The following SLC38A11 variants were observed in gnomAD, a reference collection of about 807,000 sequenced individuals.
The protein encoded by SLC38A11 is solute carrier family 38 member 11.
SLC38A11 carries 51 observed loss-of-function variants against 49.4 expected under a neutral mutation model. The observed-to-expected ratio is 1.03, with a 90% CI of 0.83 to 1.30. The LOEUF is 1.30. Ranked by LOEUF, SLC38A11 falls within the 50% of genes most tolerant of loss-of-function variation. The probability of loss-of-function intolerance (pLI) is 0.00; values close to 1 mark genes in which losing one functional copy is unlikely to be tolerated. For synonymous variants in SLC38A11, 203 were observed against 192.9 expected (o/e 1.05, Z -0.43); for missense variants, 574 against 556.2 (o/e 1.03, Z -0.32).
intron 11 of SLC38A11, among the ~76,000 whole-genome samples, chr2:164,907,270 CTTTT>C (rs60527900): frequency 5.1e-5 from 5 of 97,914 alleles, no homozygotes; most frequent in African/African-American, 7.7e-5. Flanking sequence ...CTTCTTTTCT[CTTTT>C]TTTTTTTTTT....
At position 164,947,351 on chromosome 2, in the gene SLC38A11, C is replaced by T. The variant is rs1022013749; in HGVS notation, c.230-1624G>A. Among the ~76,000 whole-genome samples the T allele has an allele frequency of 3.9e-5, 6 of 151,954 alleles. No individual in the cohort carries two copies. In the East Asian group the frequency reaches 9.7e-4, roughly 25 times the overall value. On this transcript the variant is annotated intron_variant, in intron 3 of 11. Coordinates refer to ENST00000685975, the MANE Select transcript of SLC38A11 (RefSeq NM_001351537.2). ...TTTGCCACGTTGGCCAAGATGGTCT[C>T]GAACTCCTGACCTCAAGTGATCCAC...
intron 10 of SLC38A11, 108 bp downstream of exon 10, chr2:164,911,528 T>G: frequency 2.1e-6 from 1 of 466,412 alleles, no homozygotes; most frequent in East Asian, 3.5e-5. Flanking sequence ...ATTATACCAT[T>G]TGTCATGCCC....
chr2:164,921,924 T>C (rs1474946236), intron 7 of SLC38A11, among the ~76,000 whole-genome samples: 2 of 152,216 alleles, frequency 1.3e-5, no homozygotes, highest in Admixed American at 1.3e-4. Context: ...CTTCATTATA[T>C]ATTTTTAATA....
intron 10 of SLC38A11, among the ~76,000 whole-genome samples, chr2:164,910,182 A>C (rs972588374): frequency 3.9e-5 from 6 of 152,082 alleles, no homozygotes; most frequent in African/African-American, 1.4e-4. Flanking sequence ...AGTATTTGCT[A>C]TTGTGGCAGA....
At chr2:164,900,979 G>A (rs1472278918) in intron 11 of SLC38A11, among the ~76,000 whole-genome samples, 1 of 151,994 alleles carries the variant, frequency 6.6e-6, no homozygotes, top group African/African-American at 2.4e-5. Flanking sequence ...TGATTTTTGT[G>A]TATGGTGTAA....
intron 7 of SLC38A11, among the ~76,000 whole-genome samples, chr2:164,932,171 A>G (rs949220335): frequency 6.6e-6 from 1 of 152,152 alleles, no homozygotes; most frequent in Admixed American, 6.6e-5. Context: ...CTCAGCATCA[A>G]TGATCATTAA....
chr2:164,914,260 A>G (rs1685607260), intron 9 of SLC38A11, among the ~76,000 whole-genome samples: 1 of 151,738 alleles, frequency 6.6e-6, no homozygotes, highest in Admixed American at 6.6e-5. Flanking sequence ...AGAGCTGTGA[A>G]ATATGTAAAT....
intron 7 of SLC38A11, among the ~76,000 whole-genome samples, chr2:164,927,941 C>A (rs993973616): frequency 4.6e-5 from 7 of 152,100 alleles, no homozygotes; most frequent in Non-Finnish European, 8.8e-5. Context: ...ATCAGTTAGA[C>A]ATTTAATAAA....
In SLC38A11 at chr2:164,905,614, C is replaced by T. The variant is rs1325344959; in HGVS notation, c.1095+3026G>A. Among the ~76,000 whole-genome samples the T allele has an allele frequency of 4.6e-5, 7 of 152,200 alleles. No homozygotes were observed. In the East Asian group the frequency reaches 7.7e-4, roughly 17 times the overall value. The stretch of plus-strand genomic sequence containing the variant: ...ATACGTTCTTACGCACACCAAAAGA[C>T]GTACTGATGTGAAAAACACTTATTC... On this transcript the variant is annotated intron_variant, in intron 11 of 11. Coordinates refer to ENST00000685975, the MANE Select transcript of SLC38A11 (RefSeq NM_001351537.2).
At chr2:164,911,890 T>A (rs887303374) in intron 9 of SLC38A11, 142 bp from the exon 10 acceptor site, 1 of 502,954 alleles carries the variant, frequency 2.0e-6, no homozygotes, top group African/African-American at 2.0e-5. Flanking sequence ...TTTTACTATA[T>A]ATTTTTCTAT....
At chr2:164,916,362 T>C (rs548105587) in intron 7 of SLC38A11, among the ~76,000 whole-genome samples, 2 of 152,254 alleles carry the variant, frequency 1.3e-5, no homozygotes, top group South Asian at 4.2e-4. Flanking sequence ...CATTCCGCTC[T>C]TATTTTTTTC....
At chr2:164,955,131 T>A in intron 1 of SLC38A11, 78 bp downstream of exon 1, 4 of 1,358,744 alleles carry the variant, frequency 2.9e-6, no homozygotes, top group Non-Finnish European at 4.1e-6. Flanking sequence ...CAGGTGAAGG[T>A]AGGTGACCTG....
intron 10 of SLC38A11, among the ~76,000 whole-genome samples, chr2:164,911,153 G>A (rs1228397153): frequency 6.6e-6 from 1 of 151,912 alleles, no homozygotes; most frequent in African/African-American, 2.4e-5. Context: ...TGGAATATAA[G>A]ATATTTTAGT....
chr2:164,955,462 C>T lies in SLC38A11; in HGVS notation c.-215G>A, dbSNP rs1012992581. On this transcript the variant is annotated 5_prime_UTR_variant, in exon 1 of 12. Coordinates refer to ENST00000685975, the MANE Select transcript of SLC38A11 (RefSeq NM_001351537.2). ...GCTGTGGCAGCCTGGGGCGCTTTTC[C>T]ACCGGAGTTCGCCCAGACAAATGTA... The T allele has an allele frequency of 1.1e-5, 6 of 556,546 alleles. No homozygotes were observed. The highest frequency in any genetic ancestry group is 3.3e-5 in the Admixed American group (1 of 30,356). The allele number at this position is 556,546 out of a possible 1,614,324, so 34.5% of individuals were successfully genotyped here. A position where few individuals can be genotyped will look rare whatever the true frequency, so the allele number is the denominator to read the frequency against.
chr2:164,946,098 A>C (rs561854185), intron 3 of SLC38A11, among the ~76,000 whole-genome samples: 58 of 152,224 alleles, frequency 3.8e-4, no homozygotes, highest in Non-Finnish European at 7.8e-4. Flanking sequence ...GTAGGTAATC[A>C]AATATTTCAT....
chr2:164,933,616 G>A (rs554651615), intron 7 of SLC38A11, among the ~76,000 whole-genome samples: 16 of 152,094 alleles, frequency 1.1e-4, no homozygotes, highest in African/African-American at 3.4e-4. Context: ...TGGGTTTAAA[G>A]ATCTTTTTCA....
At chr2:164,921,939 G>A (rs994028439) in intron 7 of SLC38A11, 11 of 152,210 alleles carry the variant, frequency 7.2e-5, no homozygotes, top group Admixed American at 6.5e-4. Context: ...TTAATAAATC[G>A]TTTGTGTTTA....
chr2:164,926,403 T>A (rs936496962), intron 7 of SLC38A11, among the ~76,000 whole-genome samples: 1 of 150,822 alleles, frequency 6.6e-6, no homozygotes, highest in Non-Finnish European at 1.5e-5. Context: ...AGAAGCTGTA[T>A]AGCTTGTGGT....
intron 7 of SLC38A11, among the ~76,000 whole-genome samples, chr2:164,930,555 C>G (rs1274245397): frequency 6.6e-6 from 1 of 152,082 alleles, no homozygotes; most frequent in African/African-American, 2.4e-5. Context: ...TGCTTATCCA[C>G]CACAATCAAG....
Sources: gnomAD v4.1 joint callset for allele counts (sites outside exome capture counted in the v4.1 genomes callset) on GRCh38, gnomAD v4.1.1 for gene constraint, MANE v1.5 for transcripts, NCBI Gene and HGNC (gene_info 2026-07-23, HGNC 2026-07-21) for gene names.